The following KIF16B variants were observed in gnomAD, a reference collection of about 807,000 sequenced individuals.
The protein encoded by KIF16B is kinesin family member 16B, also known as kinesin-like protein KIF16B.
A neutral mutation model predicts 156.3 loss-of-function variants in KIF16B; 98 were observed. That is an observed-to-expected ratio of 0.63 (90% CI 0.53 to 0.74). KIF16B has a LOEUF of 0.74. Ranked by LOEUF, KIF16B falls within the 30% of genes least tolerant of loss-of-function variation. The probability of loss-of-function intolerance (pLI) is 0.00; values close to 1 mark genes in which losing one functional copy is unlikely to be tolerated. For synonymous variants in KIF16B, 564 were observed against 583.7 expected, an observed-to-expected ratio of 0.97 and a Z score of 0.49; for missense variants, 1,421 against 1,606.5, an observed-to-expected ratio of 0.88 and a Z score of 1.97.
chr20:16,564,523 G>C (rs1304906673), intron 1 of KIF16B, among the ~76,000 whole-genome samples: 1 of 152,058 alleles, frequency 6.6e-6, no homozygotes, highest in Non-Finnish European at 1.5e-5. Context: ...GAGGTGGGGG[G>C]AGAGGGGAGG....
chr20:16,513,225 G>C (rs765585819), intron 4 of KIF16B, among the ~76,000 whole-genome samples: 1 of 144,476 alleles, frequency 6.9e-6, no homozygotes, highest in Non-Finnish European at 1.6e-5. Context: ...GTTTATAACT[G>C]TACAATAAAT....
intron 12 of KIF16B, among the ~76,000 whole-genome samples, chr20:16,464,548 A>G (rs1263951770): frequency 6.6e-6 from 1 of 152,200 alleles, no homozygotes; most frequent in African/African-American, 2.4e-5. Flanking sequence ...TCTCATGAAA[A>G]CAAACATCAA....
At chr20:16,503,623 G>A (rs1024540355) in intron 10 of KIF16B, among the ~76,000 whole-genome samples, 2 of 152,092 alleles carry the variant, frequency 1.3e-5, no homozygotes, top group African/African-American at 4.8e-5. Flanking sequence ...AAGAAAGGAG[G>A]GTAACTCCAG....
intron 25 of KIF16B, among the ~76,000 whole-genome samples, chr20:16,302,284 A>G (rs920488443): frequency 6.6e-6 from 1 of 152,180 alleles, no homozygotes; most frequent in Non-Finnish European, 1.5e-5. Flanking sequence ...AATCCAGTTT[A>G]GTTTTTGTGA....
intron 3 of KIF16B, among the ~76,000 whole-genome samples, chr20:16,524,262 T>C (rs188055634): frequency 8.5e-5 from 13 of 152,278 alleles, no homozygotes; most frequent in African/African-American, 3.1e-4. Flanking sequence ...AGAAAATTTT[T>C]GCAATCTATC....
At chr20:16,510,810 C>T (rs140897179) in intron 6 of KIF16B, among the ~76,000 whole-genome samples, 66 of 152,314 alleles carry the variant, frequency 4.3e-4, no homozygotes, top group South Asian at 1.0e-3. Context: ...TCTCTATGTG[C>T]GATTCCTGCA....
chr20:16,276,697 A>G (rs961658599), intron 25 of KIF16B, among the ~76,000 whole-genome samples: 1 of 152,148 alleles, frequency 6.6e-6, no homozygotes, highest in Non-Finnish European at 1.5e-5. Flanking sequence ...TGAAAAAAAA[A>G]CAAGGGACTG....
intron 10 of KIF16B, among the ~76,000 whole-genome samples, chr20:16,501,311 AT>A (rs2068617210): frequency 1.1e-5 from 1 of 90,464 alleles, no homozygotes; most frequent in Non-Finnish European, 2.9e-5. Context: ...TCTTGGTTCA[AT>A]ACCAAGAATT....
At chr20:16,469,399 G>A (rs2067593752) in intron 12 of KIF16B, among the ~76,000 whole-genome samples, 1 of 151,070 alleles carries the variant, frequency 6.6e-6, no homozygotes, top group South Asian at 2.1e-4. Context: ...GTGGATCAAA[G>A]AAGAAATCTC....
intron 1 of KIF16B, among the ~76,000 whole-genome samples, chr20:16,545,169 C>A (rs6044103): frequency 0.53 from 80,081 of 151,866 alleles, 21,269 homozygotes; most frequent in Non-Finnish European, 0.55. Flanking sequence ...AAAGATACGG[C>A]TGTGCACGTG....
At chr20:16,519,293 T>A (rs1335995880) in intron 3 of KIF16B, among the ~76,000 whole-genome samples, 2 of 152,140 alleles carry the variant, frequency 1.3e-5, no homozygotes, top group Non-Finnish European at 2.9e-5. Context: ...CTTTCCCTAA[T>A]TTTTTAAGAG....
chr20:16,551,496 T>G (rs1453397357), intron 1 of KIF16B, among the ~76,000 whole-genome samples: 10 of 152,200 alleles, frequency 6.6e-5, no homozygotes, highest in African/African-American at 2.2e-4. Context: ...CTTTCATTCC[T>G]TCTGACTCCT....
chr20:16,382,319 A>G (rs967005243), intron 17 of KIF16B, among the ~76,000 whole-genome samples: 1 of 152,220 alleles, frequency 6.6e-6, no homozygotes, highest in Admixed American at 6.5e-5. Flanking sequence ...CAAACACTCC[A>G]AAAAGTTAGC....
chr20:16,298,443 G>C (rs1213726542), intron 25 of KIF16B, among the ~76,000 whole-genome samples: 1 of 152,206 alleles, frequency 6.6e-6, no homozygotes, highest in Admixed American at 6.5e-5. Context: ...CTTAGACTTG[G>C]AAGGATGTAT....
intron 22 of KIF16B, among the ~76,000 whole-genome samples, chr20:16,361,431 G>C (rs2064550158): frequency 6.6e-6 from 1 of 152,192 alleles, no homozygotes; most frequent in Admixed American, 6.5e-5. Flanking sequence ...ATTTCCAGTA[G>C]AGAAGCCTGC....
At chr20:16,512,397 C>T (rs907985910) in intron 5 of KIF16B, among the ~76,000 whole-genome samples, 1 of 152,190 alleles carries the variant, frequency 6.6e-6, no homozygotes, top group East Asian at 1.9e-4. Context: ...TGGCTCCCCT[C>T]ACAGGTTTAA....
At chr20:16,549,313 A>G (rs1213684117) in intron 1 of KIF16B, among the ~76,000 whole-genome samples, 4 of 151,694 alleles carry the variant, frequency 2.6e-5, no homozygotes, top group African/African-American at 9.7e-5. Flanking sequence ...ATCTTGCGAT[A>G]GTTTACTGAG....
chr20:16,541,626 C>T (rs2070201663), intron 1 of KIF16B, among the ~76,000 whole-genome samples: 1 of 152,186 alleles, frequency 6.6e-6, no homozygotes, highest in African/African-American at 2.4e-5. Flanking sequence ...GGCAAAGCAC[C>T]AACTCTTACG....
intron 12 of KIF16B, among the ~76,000 whole-genome samples, chr20:16,459,541 A>G (rs1369122545): frequency 6.6e-6 from 1 of 152,188 alleles, no homozygotes; most frequent in Non-Finnish European, 1.5e-5. Context: ...AGATGACTCA[A>G]GTGTAACAGA....
Sources: allele counts gnomAD v4.1 joint callset (sites outside exome capture counted in the v4.1 genomes callset), GRCh38; gene constraint gnomAD v4.1.1; transcripts MANE v1.5; gene names NCBI Gene and HGNC (gene_info 2026-07-23, HGNC 2026-07-21).